ADAMTS17: variants seen among roughly 807,000 people sequenced by gnomAD.
ADAMTS17 encodes the protein A disintegrin and metalloproteinase with thrombospondin motifs 17.
Under a neutral mutation model 141.5 loss-of-function variants are expected in ADAMTS17, and 113 were observed. That is an observed-to-expected ratio of 0.80 (90% CI 0.69 to 0.93). The LOEUF (loss-of-function observed/expected upper bound fraction) is 0.93. Ranked by LOEUF, ADAMTS17 falls within the 40% of genes least tolerant of loss-of-function variation. The probability of loss-of-function intolerance (pLI) is 0.00; values close to 1 mark genes in which losing one functional copy is unlikely to be tolerated. For missense variants in ADAMTS17, 1,659 were observed against 1,517.9 expected (o/e 1.09, Z -1.54); for synonymous variants, 768 against 630.6 (o/e 1.22, Z -3.27).
intron 7 of ADAMTS17, among the ~76,000 whole-genome samples, chr15:100,246,475 AG>A (rs1371384427): frequency 6.6e-6 from 1 of 152,236 alleles, no homozygotes; most frequent in Non-Finnish European, 1.5e-5. Context: ...ATACCAAGGT[AG>A]CCTCCGACAA....
intron 4 of ADAMTS17, among the ~76,000 whole-genome samples, chr15:100,272,969 T>C (rs913687927): frequency 2.6e-5 from 4 of 152,162 alleles, no homozygotes; most frequent in Admixed American, 2.6e-4. Context: ...TCTTTTCATT[T>C]TGTTAATCAA....
intron 3 of ADAMTS17, among the ~76,000 whole-genome samples, chr15:100,317,113 C>T (rs2045589518): frequency 6.6e-6 from 1 of 152,182 alleles, no homozygotes; most frequent in African/African-American, 2.4e-5. Flanking sequence ...GGGTAAGTGT[C>T]CACTCACCCG....
chr15:100,004,520 A>AT (rs919083039), intron 18 of ADAMTS17, among the ~76,000 whole-genome samples: 1 of 150,754 alleles, frequency 6.6e-6, no homozygotes, highest in Admixed American at 6.6e-5. Flanking sequence ...TGTAAGCCCT[A>AT]TTTTTTTCCA....
In ADAMTS17 at chr15:99,993,776, G is replaced by T. The variant is rs369861712; in HGVS notation, c.2797-576C>A. Among the ~76,000 whole-genome samples the T allele has an allele frequency of 7.3e-4, 111 of 152,338 alleles. No homozygotes were observed. Among genetic ancestry groups the T allele is most frequent in the African/African-American group, 2.5e-3 (105 of 41,572 alleles). On this transcript the variant is annotated intron_variant, in intron 19 of 21. Transcript: ENST00000268070. The surrounding 1 kb of genome is among the most constrained non-coding windows in gnomAD (Gnocchi z 4.3). ...TGGAAAGCCTTTGCAGAGAGCTCCAGTGAATGTCTGAATGCAGACACCAAG... is the reference window on the plus strand; with the variant it reads ...TGGAAAGCCTTTGCAGAGAGCTCCATTGAATGTCTGAATGCAGACACCAAG...
chr15:100,003,411 G>A (rs949829616), intron 18 of ADAMTS17, among the ~76,000 whole-genome samples: 2 of 152,096 alleles, frequency 1.3e-5, no homozygotes, highest in Non-Finnish European at 2.9e-5. Flanking sequence ...CCTCAGGGTT[G>A]GGGAAGTGAT....
chr15:99,974,114 C>T lies in ADAMTS17; in HGVS notation c.*288G>A, dbSNP rs1305690896. ...ACACTAAATGATGTCTCTCTCTTGA[C>T]GGTTGTCTGCCAGAGGTGCTTCCCT... On this transcript the variant is annotated 3_prime_UTR_variant, in exon 22 of 22. Transcript: ENST00000268070. 6.4e-5 allele frequency: 32 copies of T among 498,244 alleles called. No homozygotes were observed. The highest frequency in any genetic ancestry group is 4.3e-4 in the South Asian group (21 of 48,424). 30.9% of individuals were successfully genotyped at this position (498,244 alleles called of 1,614,324 possible). A position where few individuals can be genotyped will look rare whatever the true frequency, so the allele number is the denominator to read the frequency against.
intron 12 of ADAMTS17, among the ~76,000 whole-genome samples, chr15:100,125,837 T>A (rs1158470729): frequency 2.0e-5 from 3 of 151,420 alleles, no homozygotes; most frequent in Non-Finnish European, 4.4e-5. Context: ...CTAAAAAAAA[T>A]AATTGTGTGT....
intron 8 of ADAMTS17, among the ~76,000 whole-genome samples, chr15:100,160,629 T>C (rs2039646697): frequency 6.6e-6 from 1 of 152,226 alleles, no homozygotes. Context: ...CAACTCCATA[T>C]TCCTCACAGG....
chr15:100,062,342 A>AG (rs149741086), intron 15 of ADAMTS17, among the ~76,000 whole-genome samples: 6,326 of 152,186 alleles, frequency 0.042, 164 homozygotes, highest in Middle Eastern at 0.068. Flanking sequence ...AGCTTGGGAC[A>AG]GGGGGGGATC....
chr15:100,185,346 CAT>C (rs1195207858), intron 8 of ADAMTS17, among the ~76,000 whole-genome samples: 1 of 152,174 alleles, frequency 6.6e-6, no homozygotes, highest in Non-Finnish European at 1.5e-5. Context: ...ACAGGGTACA[CAT>C]GTGTTTTAAG....
chr15:100,158,872 C>T (rs144544263), intron 8 of ADAMTS17, among the ~76,000 whole-genome samples: 4 of 152,178 alleles, frequency 2.6e-5, no homozygotes, highest in African/African-American at 9.6e-5. Flanking sequence ...TGAAAAGATG[C>T]CCAACGTCAC....
At chr15:100,139,242 T>A (rs1044154295) in intron 10 of ADAMTS17, among the ~76,000 whole-genome samples, 2 of 152,094 alleles carry the variant, frequency 1.3e-5, no homozygotes, top group African/African-American at 4.8e-5. Flanking sequence ...TCTAAAAAAA[T>A]TATCAGGGGC....
chr15:100,255,097 C>T (rs1272713779), intron 6 of ADAMTS17, among the ~76,000 whole-genome samples: 1 of 152,210 alleles, frequency 6.6e-6, no homozygotes, highest in African/African-American at 2.4e-5. Context: ...AGCAAAGATG[C>T]TTGAAACCTG....
In ADAMTS17 at chr15:100,105,726, C is replaced by T. The variant is rs950849172; in HGVS notation, c.2016+3263G>A. Among the ~76,000 whole-genome samples the T allele has an allele frequency of 9.9e-5, 15 of 152,176 alleles. No homozygotes were observed. The South Asian group carries it at 2.9e-3, about 30-fold the overall frequency. On this transcript the variant is annotated intron_variant, in intron 14 of 21. Transcript: ENST00000268070. ...TTTTTGAGATGGAGTCTTACTCTGT[C>T]GCCCAGGCTGGAGTGCAATGGTGCA... is the stretch of plus-strand genomic sequence containing the variant.
chr15:100,096,996 C>T (rs962525730), intron 14 of ADAMTS17, among the ~76,000 whole-genome samples: 9 of 152,318 alleles, frequency 5.9e-5, no homozygotes, highest in African/African-American at 1.4e-4. Flanking sequence ...GGGCTTGGCA[C>T]GGGCCCCTCT....
intron 3 of ADAMTS17, among the ~76,000 whole-genome samples, chr15:100,321,856 C>G (rs1396193498): frequency 6.6e-6 from 1 of 152,180 alleles, no homozygotes; most frequent in African/African-American, 2.4e-5. Context: ...GCATATAGAA[C>G]ACAACAATTA....
chr15:100,110,290 AGTCTCAC>A (rs2036688972), intron 13 of ADAMTS17, among the ~76,000 whole-genome samples: 1 of 140,128 alleles, frequency 7.1e-6, no homozygotes, highest in Non-Finnish European at 1.5e-5. Context: ...TTTGAGACAG[AGTCTCAC>A]TCTGTTGCCC....
At chr15:100,159,227 C>A (rs1056156395) in intron 8 of ADAMTS17, among the ~76,000 whole-genome samples, 1 of 152,166 alleles carries the variant, frequency 6.6e-6, no homozygotes, top group East Asian at 1.9e-4. Flanking sequence ...CCTAAACAGC[C>A]ACTGATAGAT....
chr15:100,063,160 A>C (rs1023405247), intron 15 of ADAMTS17, among the ~76,000 whole-genome samples: 1 of 152,248 alleles, frequency 6.6e-6, no homozygotes, highest in Non-Finnish European at 1.5e-5. Context: ...TTGTGCTTGA[A>C]GTCAATGGAG....
Sources: allele counts gnomAD v4.1 joint callset (sites outside exome capture counted in the v4.1 genomes callset), GRCh38; gene constraint gnomAD v4.1.1; non-coding constraint Gnocchi (gnomAD v3.1); transcripts MANE v1.5; gene names NCBI Gene and HGNC (gene_info 2026-07-23, HGNC 2026-07-21).